The following GRID2 variants were observed in gnomAD, a reference collection of about 807,000 sequenced individuals.
GRID2 encodes glutamate receptor ionotropic, delta-2.
Under a neutral mutation model 114.8 loss-of-function variants are expected in GRID2, and 33 were observed. The ratio of observed to expected loss-of-function variants is 0.29; its 90% CI spans 0.22 to 0.38. GRID2 has a LOEUF of 0.38. Among genes scored for constraint, GRID2 ranks in the 10% least tolerant of loss-of-function variants. The probability of loss-of-function intolerance (pLI) is 1.00; values close to 1 mark genes in which losing one functional copy is unlikely to be tolerated. For missense variants in GRID2, 1,184 were observed against 1,257.7 expected (o/e 0.94, Z 0.89); for synonymous variants, 505 against 449.9 (o/e 1.12, Z -1.55).
intron 11 of GRID2, among the ~76,000 whole-genome samples, chr4:93,477,942 C>T (rs1270070200): frequency 6.6e-6 from 1 of 151,928 alleles, no homozygotes; most frequent in Non-Finnish European, 1.5e-5. Flanking sequence ...TATTACTCAC[C>T]CATATGTTCT....
At chr4:92,637,819 T>C (rs1226762713) in intron 2 of GRID2, among the ~76,000 whole-genome samples, 1 of 152,034 alleles carries the variant, frequency 6.6e-6, no homozygotes, top group Non-Finnish European at 1.5e-5. Flanking sequence ...TTTTCCTTCC[T>C]GATATATGTT....
intron 14 of GRID2, among the ~76,000 whole-genome samples, chr4:93,679,034 T>A (rs568463508): frequency 6.6e-6 from 1 of 150,890 alleles, no homozygotes; most frequent in East Asian, 1.9e-4. Flanking sequence ...AGGAAACCCA[T>A]CACACATGCA....
rs1055954871 is a variant in GRID2, at chr4:92,469,323, C to T, written c.89-120808C>T. On this transcript the variant is annotated intron_variant, in intron 1 of 15. Transcript: ENST00000282020. Reference sequence around the variant, plus strand: ...ATGAAGAAGGTTAGAATATAGTTGTCCCTCAGTATCAGCAGATAGAACTGG... The same window carrying T: ...ATGAAGAAGGTTAGAATATAGTTGTTCCTCAGTATCAGCAGATAGAACTGG... 3.9e-5 allele frequency among the ~76,000 whole-genome samples: 6 copies of T among 152,018 alleles called. No individual in the cohort carries two copies. The South Asian group carries it at 1.0e-3, about 26-fold the overall frequency.
At chr4:92,730,724 T>C (rs938586364) in intron 2 of GRID2, among the ~76,000 whole-genome samples, 9 of 151,946 alleles carry the variant, frequency 5.9e-5, no homozygotes, top group South Asian at 2.1e-4. Flanking sequence ...CGATTCTTTA[T>C]TGATGTTTGT....
At chr4:93,766,110 G>T (rs1444742567) in intron 14 of GRID2, among the ~76,000 whole-genome samples, 2 of 152,106 alleles carry the variant, frequency 1.3e-5, no homozygotes, top group African/African-American at 4.8e-5. Flanking sequence ...TGGAGGATGA[G>T]TACACACTCT....
At chr4:92,604,486 A>G (rs1729362648) in intron 2 of GRID2, among the ~76,000 whole-genome samples, 1 of 152,136 alleles carries the variant, frequency 6.6e-6, no homozygotes, top group South Asian at 2.1e-4. Context: ...GGAGCTGAAC[A>G]ATGAGAACAC....
intron 2 of GRID2, among the ~76,000 whole-genome samples, chr4:93,032,256 A>C (rs1443601219): frequency 1.3e-5 from 2 of 152,166 alleles, no homozygotes; most frequent in Non-Finnish European, 2.9e-5. Flanking sequence ...TTCAGAGGTC[A>C]GGGCCAAAAC....
intron 8 of GRID2, among the ~76,000 whole-genome samples, chr4:93,295,557 C>G (rs1314497808): frequency 2.0e-5 from 3 of 152,088 alleles, no homozygotes; most frequent in African/African-American, 7.2e-5. Flanking sequence ...GTGAAGGATA[C>G]AGTCCACAAG....
chr4:93,141,827 G>A (rs1045901233), intron 4 of GRID2, among the ~76,000 whole-genome samples: 2 of 152,166 alleles, frequency 1.3e-5, no homozygotes, highest in Non-Finnish European at 2.9e-5. Flanking sequence ...TTGTGCTATA[G>A]CATGAATATT....
At chr4:92,636,071 A>G (rs953584116) in intron 2 of GRID2, among the ~76,000 whole-genome samples, 1 of 152,066 alleles carries the variant, frequency 6.6e-6, no homozygotes, top group Admixed American at 6.6e-5. Flanking sequence ...TTATACAAAC[A>G]ACTGATTGTA....
At chr4:92,971,767 C>T (rs1753537176) in intron 2 of GRID2, among the ~76,000 whole-genome samples, 1 of 151,960 alleles carries the variant, frequency 6.6e-6, no homozygotes. Flanking sequence ...TTCTTTAGCT[C>T]CCACATAGGA....
At chr4:93,436,931 A>T (rs1029810874) in intron 10 of GRID2, among the ~76,000 whole-genome samples, 4 of 152,164 alleles carry the variant, frequency 2.6e-5, no homozygotes, top group South Asian at 2.1e-4. Flanking sequence ...TAAGTTTATG[A>T]AATATGATTG....
chr4:92,504,951 A>G (rs1176965068), intron 1 of GRID2, among the ~76,000 whole-genome samples: 2 of 152,080 alleles, frequency 1.3e-5, no homozygotes, highest in Non-Finnish European at 2.9e-5. Flanking sequence ...GTACCAGAAT[A>G]CAAGTCAAAC....
rs1193357778 is a variant in GRID2 at position 93,426,777 on chromosome 4, G to C, written c.1545+3809G>C. ...ATTGTATGATAATTTATAGTTTAGA[G>C]GGAGTCCTTTTGCAAATAAAAAATT... is the stretch of plus-strand genomic sequence containing the variant. On this transcript the variant is annotated intron_variant, in intron 10 of 15. Coordinates refer to ENST00000282020, the MANE Select transcript of GRID2 (RefSeq NM_001510.4). Among the ~76,000 whole-genome samples, 5 of 152,030 alleles carry C rather than the reference G, an allele frequency of 3.3e-5. No homozygotes were observed. In the South Asian group the frequency reaches 6.2e-4, roughly 19 times the overall value.
intron 10 of GRID2, among the ~76,000 whole-genome samples, chr4:93,429,869 C>T (rs992457142): frequency 6.6e-6 from 1 of 152,108 alleles, no homozygotes; most frequent in South Asian, 2.1e-4. Flanking sequence ...TGCCCACCCA[C>T]GTGGTTTCAT....
At chr4:92,982,081 AC>A (rs1754258306) in intron 2 of GRID2, among the ~76,000 whole-genome samples, 1 of 151,368 alleles carries the variant, frequency 6.6e-6, no homozygotes, top group Non-Finnish European at 1.5e-5. Context: ...TCAGGAATCA[AC>A]ACCTATATGT....
chr4:92,796,967 C>T (rs143390957), intron 2 of GRID2, among the ~76,000 whole-genome samples: 2 of 152,034 alleles, frequency 1.3e-5, no homozygotes, highest in African/African-American at 4.8e-5. Context: ...GTATTTTGCA[C>T]TTGCTTGCAC....
intron 8 of GRID2, among the ~76,000 whole-genome samples, chr4:93,380,987 G>A (rs1358232299): frequency 1.3e-5 from 2 of 151,936 alleles, no homozygotes; most frequent in African/African-American, 4.8e-5. Context: ...TGGCTGAGGT[G>A]CTTTAGTTAC....
At chr4:93,660,269 T>G (rs532634650) in intron 14 of GRID2, among the ~76,000 whole-genome samples, 10 of 152,280 alleles carry the variant, frequency 6.6e-5, no homozygotes, top group Middle Eastern at 3.4e-3. Context: ...TTTCTCAAAT[T>G]ATACCATTTT....
Sources: allele counts gnomAD v4.1 joint callset (sites outside exome capture counted in the v4.1 genomes callset), GRCh38; gene constraint gnomAD v4.1.1; transcripts MANE v1.5; gene names NCBI Gene and HGNC (gene_info 2026-07-23, HGNC 2026-07-21).